BOLA3: variants seen among roughly 807,000 people sequenced by gnomAD.
BOLA3 encodes bolA family member 3, also known as bolA-like protein 3.
In BOLA3, 8 loss-of-function variants were observed where a neutral mutation model predicts 14.5. The observed-to-expected ratio is 0.55, with a 90% CI of 0.32 to 0.99. The LOEUF (loss-of-function observed/expected upper bound fraction) is 0.99. BOLA3 is among the 50% of genes least tolerant of loss of function. The pLI, the probability that BOLA3 is intolerant of heterozygous loss-of-function variation, is 0.04. For missense variants in BOLA3, 115 were observed against 138.2 expected (o/e 0.83, Z 0.84); for synonymous variants, 42 against 45.7 (o/e 0.92, Z 0.33).
chr2:74,142,225 T>C (rs1198697245), intron 3 of BOLA3, 47 bp downstream of exon 3: 2 of 1,435,346 alleles, frequency 1.4e-6, no homozygotes, highest in Admixed American at 3.3e-5. Context: ...GCAGGCCCCT[T>C]TGGAGGCTGA....
chr2:74,147,855 G>T lies in BOLA3; in HGVS notation c.20C>A (p.Ala7Asp). The T allele has an allele frequency of 6.6e-7, 1 of 1,524,690 alleles. No homozygotes were observed. Among genetic ancestry groups the T allele is most frequent in the Non-Finnish European group, 8.7e-7 (1 of 1,143,062 alleles). The allele number at this position is 1,524,690 out of a possible 1,614,324, so 94.4% of individuals were successfully genotyped here. MAAWSPAAAAPLLRGIR... is the reference protein window; with the variant it reads MAAWSPDAAAPLLRGIR... The stretch of plus-strand genomic sequence containing the variant: ...CCCGCGGAGGAGAGGCGCTGCCGCG[G>T]CCGGGCTCCATGCAGCCATGCCCGG... Residue 7 changes from alanine to aspartate, a missense_variant, in exon 1 of 4, where the codon GCC becomes GAC. Transcript: ENST00000327428.
At chr2:74,141,914 G>A (rs1231408356) in intron 3 of BOLA3, among the ~76,000 whole-genome samples, 1 of 152,160 alleles carries the variant, frequency 6.6e-6, no homozygotes, top group African/African-American at 2.4e-5. Flanking sequence ...CTGTAAAGCA[G>A]TCCCAAAGAG....
intron 2 of BOLA3, among the ~76,000 whole-genome samples, chr2:74,143,323 T>A (rs828890): frequency 4.5e-5 from 2 of 44,342 alleles, no homozygotes; most frequent in Non-Finnish European, 4.5e-5. Context: ...GCCCAGCTAA[T>A]TTTTTTTTTG....
In BOLA3 at chr2:74,140,490, G is replaced by A. The variant is rs544292329; in HGVS notation, c.258+1782C>T. Among the ~76,000 whole-genome samples, 66 of 152,258 alleles carry A rather than the reference G, an allele frequency of 4.3e-4. 1 individual carries two copies. In the South Asian group the frequency reaches 0.012, roughly 28 times the overall value. On this transcript the variant is annotated intron_variant, in intron 3 of 3. Coordinates refer to ENST00000327428, the MANE Select transcript of BOLA3 (RefSeq NM_212552.3). Reference sequence around the variant, plus strand: ...TGTGCCAGGTCCTTTGTTAGGTGTGGGGGACACAGCCCCGTCCTGCAGTAA... The same window carrying A: ...TGTGCCAGGTCCTTTGTTAGGTGTGAGGGACACAGCCCCGTCCTGCAGTAA...
At chr2:74,136,501 TA>T (rs1286868062) in intron 3 of BOLA3, among the ~76,000 whole-genome samples, 1 of 152,190 alleles carries the variant, frequency 6.6e-6, no homozygotes, top group Non-Finnish European at 1.5e-5. Context: ...TTAGTGTTAG[TA>T]TATTTTATGT....
At chr2:74,144,811 T>C (rs544874472) in intron 2 of BOLA3, among the ~76,000 whole-genome samples, 1 of 152,310 alleles carries the variant, frequency 6.6e-6, no homozygotes, top group South Asian at 2.1e-4. Flanking sequence ...AGAAAATCTT[T>C]CTGGGGTCCA....
chr2:74,145,557 C>T, intron 1 of BOLA3: 1 of 529,252 alleles, frequency 1.9e-6, no homozygotes, highest in Non-Finnish European at 3.4e-6. Context: ...AGACAAGAGG[C>T]CCCAAACCTA....
At position 74,147,847 on chromosome 2, in the gene BOLA3, C is replaced by A; in HGVS notation, c.28G>T (p.Ala10Ser). The A allele has an allele frequency of 1.3e-6, 2 of 1,525,510 alleles. No homozygotes were observed. The highest frequency in any genetic ancestry group is 2.4e-5 in the South Asian group (2 of 83,052). 94.5% of individuals were successfully genotyped at this position (1,525,510 alleles called of 1,614,324 possible). A position where few individuals can be genotyped will look rare whatever the true frequency, so the allele number is the denominator to read the frequency against. ...CCGCGGATCCCGCGGAGGAGAGGCG[C>A]TGCCGCGGCCGGGCTCCATGCAGCC... The part of the protein sequence containing the change: MAAWSPAAA[A>S]PLLRGIRGLP... The change falls in exon 1 of 4, where the codon GCG (alanine) becomes TCG (serine). Residue 10 changes from alanine to serine, a missense_variant. By Grantham distance (99) the Ala-to-Ser change is moderately conservative. Transcript: ENST00000327428.
chr2:74,147,713 G>T, intron 1 of BOLA3, 108 bp downstream of exon 1: 4 of 1,066,660 alleles, frequency 3.8e-6, no homozygotes, highest in African/African-American at 1.6e-5. Context: ...TGCCAGTGCC[G>T]CGCGCGCCCT....
chr2:74,139,067 G>A lies in BOLA3; in HGVS notation c.258+3205C>T, dbSNP rs78868275. ...AAGTATTTCCCAAGAGAAGGCTGAC[G>A]CACTGGGCCCTGGGAGAGGCTGAGC... On this transcript the variant is annotated intron_variant, in intron 3 of 3. Coordinates refer to ENST00000327428, the MANE Select transcript of BOLA3 (RefSeq NM_212552.3). 3.8e-3 allele frequency among the ~76,000 whole-genome samples: 583 copies of A among 152,274 alleles called. 4 individuals carry two copies. The highest frequency in any genetic ancestry group is 0.014 in the African/African-American group (561 of 41,550).
intron 1 of BOLA3, chr2:74,146,115 C>T (rs548865593): frequency 1.3e-5 from 2 of 152,242 alleles, no homozygotes; most frequent in African/African-American, 4.8e-5. Flanking sequence ...GCCCCAGCCT[C>T]CTGAGTAGCT....
At chr2:74,140,772 A>G (rs1271975242) in intron 3 of BOLA3, among the ~76,000 whole-genome samples, 4 of 152,234 alleles carry the variant, frequency 2.6e-5, no homozygotes, top group Admixed American at 2.0e-4. Context: ...CAGTGTTGTC[A>G]GTGGTCAACG....
At chr2:74,141,758 T>C (rs1269467034) in intron 3 of BOLA3, among the ~76,000 whole-genome samples, 1 of 152,170 alleles carries the variant, frequency 6.6e-6, no homozygotes, top group Non-Finnish European at 1.5e-5. Flanking sequence ...AAAGTTGGTA[T>C]AAATTCCAAA....
intron 1 of BOLA3, chr2:74,147,511 A>C: frequency 1.7e-5 from 7 of 409,000 alleles, no homozygotes; most frequent in South Asian, 2.6e-5. Context: ...TCTGCTCGGT[A>C]AACCAATCCT....
At chr2:74,137,106 G>GA (rs1392691545) in intron 3 of BOLA3, among the ~76,000 whole-genome samples, 1 of 152,186 alleles carries the variant, frequency 6.6e-6, no homozygotes, top group Non-Finnish European at 1.5e-5. Context: ...TTCTCTTGGG[G>GA]AATAATTCCT....
intron 3 of BOLA3, among the ~76,000 whole-genome samples, chr2:74,137,103 G>A (rs1388582763): frequency 1.3e-5 from 2 of 152,160 alleles, no homozygotes; most frequent in Non-Finnish European, 2.9e-5. Context: ...TCCTTCTCTT[G>A]GGGAATAATT....
At chr2:74,142,919 G>T (rs1406660450) in intron 2 of BOLA3, among the ~76,000 whole-genome samples, 1 of 152,212 alleles carries the variant, frequency 6.6e-6, no homozygotes, top group Admixed American at 6.5e-5. Context: ...ACAGCATCCA[G>T]GATTTCATCC....
chr2:74,147,843 G>A lies in BOLA3; in HGVS notation c.32C>T (p.Pro11Leu), dbSNP rs1277054056. 31 of 1,525,814 alleles carry A rather than the reference G, an allele frequency of 2.0e-5. No individual in the cohort carries two copies. Among genetic ancestry groups the A allele is most frequent in the Admixed American group, 5.9e-5 (3 of 50,590 alleles). 94.5% of individuals were successfully genotyped at this position (1,525,814 alleles called of 1,614,324 possible). MAAWSPAAAA[P>L]LLRGIRGLPL... The stretch of plus-strand genomic sequence containing the variant: ...CACCCCGCGGATCCCGCGGAGGAGA[G>A]GCGCTGCCGCGGCCGGGCTCCATGC... The change falls in exon 1 of 4, where the codon CCT (proline) becomes CTT (leucine). Residue 11 changes from proline to leucine, a missense_variant. Coordinates refer to ENST00000327428, the MANE Select transcript of BOLA3 (RefSeq NM_212552.3).
intron 3 of BOLA3, among the ~76,000 whole-genome samples, chr2:74,138,202 G>C (rs1277319198): frequency 1.3e-5 from 2 of 152,242 alleles, no homozygotes; most frequent in African/African-American, 2.4e-5. Context: ...TGGGGGAAGT[G>C]ACTTGGCCGA....
Sources: gnomAD v4.1 joint callset for allele counts (sites outside exome capture counted in the v4.1 genomes callset) on GRCh38, gnomAD v4.1.1 for gene constraint, MANE v1.5 for transcripts, NCBI Gene and HGNC (gene_info 2026-07-23, HGNC 2026-07-21) for gene names.